The following AGBL1 variants were observed in gnomAD, a reference collection of about 807,000 sequenced individuals.
The protein encoded by AGBL1 is AGBL carboxypeptidase 1, also known as cytosolic carboxypeptidase 4.
A neutral mutation model predicts 118.9 loss-of-function variants in AGBL1; 130 were observed. The ratio of observed to expected loss-of-function variants is 1.09; its 90% CI spans 0.95 to 1.26. AGBL1 has a LOEUF of 1.26. Among genes scored for constraint, AGBL1 ranks in the 50% most tolerant of loss-of-function variants. The pLI, the probability that AGBL1 is intolerant of heterozygous loss-of-function variation, is 0.00. For synonymous variants in AGBL1, 555 were observed against 478.9 expected (o/e 1.16, Z -2.08); for missense variants, 1,584 against 1,298.1 (o/e 1.22, Z -3.38).
intron 22 of AGBL1, among the ~76,000 whole-genome samples, chr15:86,828,110 T>A (rs1818860112): frequency 6.6e-6 from 1 of 151,422 alleles, no homozygotes; most frequent in Non-Finnish European, 1.5e-5. Context: ...CAACTAATTC[T>A]AAAAAATTGT....
intron 22 of AGBL1, among the ~76,000 whole-genome samples, chr15:86,841,243 G>T (rs1433267626): frequency 6.6e-6 from 1 of 152,110 alleles, no homozygotes; most frequent in African/African-American, 2.4e-5. Flanking sequence ...GACCACCCAG[G>T]CATGTATCAT....
intron 22 of AGBL1, among the ~76,000 whole-genome samples, chr15:86,849,077 C>A (rs2079360318): frequency 6.6e-6 from 1 of 152,146 alleles, no homozygotes; most frequent in Admixed American, 6.5e-5. Context: ...ATATGCAGGG[C>A]TACTCACTGT....
chr15:86,885,061 G>A (rs1419604867), intron 22 of AGBL1, among the ~76,000 whole-genome samples: 1 of 151,910 alleles, frequency 6.6e-6, no homozygotes, highest in East Asian at 1.9e-4. Context: ...CATTTAAAAA[G>A]CTTTTGAAAT....
intron 7 of AGBL1, among the ~76,000 whole-genome samples, chr15:86,254,168 A>G (rs2173091): frequency 0.16 from 24,042 of 152,258 alleles, 2,100 homozygotes; most frequent in South Asian, 0.31. Flanking sequence ...AGTGACTCCT[A>G]GTATTCTCTT....
intron 22 of AGBL1, among the ~76,000 whole-genome samples, chr15:86,728,693 G>GTTTTTC (rs1323959505): frequency 1.3e-5 from 2 of 152,060 alleles, no homozygotes; most frequent in Admixed American, 6.6e-5. Context: ...ACTACTGAGG[G>GTTTTTC]TTTTTCTTTT....
intron 22 of AGBL1, among the ~76,000 whole-genome samples, chr15:86,751,754 G>C (rs996426363): frequency 6.6e-6 from 1 of 151,930 alleles, no homozygotes; most frequent in African/African-American, 2.4e-5. Context: ...CATATTTTTG[G>C]TCTGCTTACT....
intron 22 of AGBL1, among the ~76,000 whole-genome samples, chr15:86,694,013 T>C (rs1241927026): frequency 6.6e-6 from 1 of 152,192 alleles, no homozygotes; most frequent in Non-Finnish European, 1.5e-5. Flanking sequence ...TAGTATAGTT[T>C]GAAGTCAGGT....
intron 18 of AGBL1, among the ~76,000 whole-genome samples, chr15:86,510,981 A>C (rs2083046618): frequency 6.6e-6 from 1 of 152,054 alleles, no homozygotes. Context: ...GGCACTTGAT[A>C]ATAATCCCCA....
chr15:86,336,197 C>T (rs566646687), intron 17 of AGBL1, among the ~76,000 whole-genome samples: 8 of 152,332 alleles, frequency 5.3e-5, no homozygotes, highest in South Asian at 4.1e-4. Flanking sequence ...GTGGTTTGCA[C>T]GGAGCAGAGG....
chr15:86,372,157 C>A (rs1167548196), intron 17 of AGBL1, among the ~76,000 whole-genome samples: 1 of 152,200 alleles, frequency 6.6e-6, no homozygotes, highest in Non-Finnish European at 1.5e-5. Flanking sequence ...GCATGAAGTG[C>A]ATATGAGTTC....
intron 9 of AGBL1, 89 bp from the exon 10 acceptor site, chr15:86,262,689 A>G: frequency 3.4e-6 from 3 of 888,198 alleles, no homozygotes; most frequent in Non-Finnish European, 3.7e-6. Context: ...ATGTCCTAAG[A>G]TTCTGAAGAA....
intron 17 of AGBL1, among the ~76,000 whole-genome samples, chr15:86,382,284 A>G (rs745990334): frequency 7.9e-5 from 12 of 152,188 alleles, no homozygotes; most frequent in Non-Finnish European, 1.5e-4. Context: ...AAACTTTGAA[A>G]CGAAGGGGCC....
chr15:86,735,405 T>C (rs2077578244), intron 22 of AGBL1, among the ~76,000 whole-genome samples: 3 of 151,938 alleles, frequency 2.0e-5, no homozygotes, highest in Admixed American at 6.6e-5. Context: ...TTAAAGCCAT[T>C]ACACACACAC....
intron 22 of AGBL1, among the ~76,000 whole-genome samples, chr15:86,870,825 C>T (rs560457770): frequency 1.3e-5 from 2 of 152,136 alleles, no homozygotes; most frequent in African/African-American, 2.4e-5. Context: ...ATTACTATTT[C>T]ATCAAAGATG....
chr15:86,462,881 T>C (rs1205335321), intron 18 of AGBL1, among the ~76,000 whole-genome samples: 1 of 152,210 alleles, frequency 6.6e-6, no homozygotes, highest in Non-Finnish European at 1.5e-5. Flanking sequence ...TTAGCTATTG[T>C]GAATAGTGCT....
At chr15:86,300,051 A>G (rs1201873225) in intron 17 of AGBL1, among the ~76,000 whole-genome samples, 2 of 152,018 alleles carry the variant, frequency 1.3e-5, no homozygotes, top group Non-Finnish European at 2.9e-5. Flanking sequence ...CCTCTTAGTA[A>G]TGAGCTCTTG....
At position 86,660,231 on chromosome 15, in the gene AGBL1, C is replaced by T. The variant is rs145151957; in HGVS notation, c.2995-14042C>T. Among the ~76,000 whole-genome samples the T allele has an allele frequency of 2.2e-3, 329 of 152,028 alleles. 1 individual carries two copies. Among genetic ancestry groups the T allele is most frequent in the Non-Finnish European group, 3.3e-3 (226 of 67,986 alleles). On this transcript the variant is annotated intron_variant, in intron 21 of 22. Transcript: ENST00000614907. The stretch of plus-strand genomic sequence containing the variant: ...TTTCATCTGAAAAGATCTACAGGGG[C>T]CGATTGACCGGGGCTTCATGCCTGA...
rs557450837 is a variant in AGBL1 at position 86,436,970 on chromosome 15, A to G, written c.2555+39424A>G. On this transcript the variant is annotated intron_variant, in intron 18 of 22. Coordinates refer to ENST00000614907, the MANE Select transcript of AGBL1 (RefSeq NM_001386094.1). ...TGGCCTTGCCAAATCTTGAAAAAGC[A>G]TCATTGTGCAGACGGATTTGAGCAG... Among the ~76,000 whole-genome samples the G allele has an allele frequency of 9.2e-4, 140 of 151,882 alleles. 1 individual carries two copies. The Middle Eastern group carries it at 0.01, about 11-fold the overall frequency.
chr15:86,665,528 C>G (rs777766248), intron 21 of AGBL1, among the ~76,000 whole-genome samples: 33 of 151,970 alleles, frequency 2.2e-4, no homozygotes, highest in Non-Finnish European at 1.0e-4. Context: ...ATTTTCTTCT[C>G]TGTTGGAATT....
Sources: gnomAD v4.1 joint callset for allele counts (sites outside exome capture counted in the v4.1 genomes callset) on GRCh38, gnomAD v4.1.1 for gene constraint, MANE v1.5 for transcripts, NCBI Gene and HGNC (gene_info 2026-07-23, HGNC 2026-07-21) for gene names.